The following SLC35E4 variants were observed in gnomAD, a reference collection of about 807,000 sequenced individuals.
The protein encoded by SLC35E4 is solute carrier family 35, member E4.
A neutral mutation model predicts 19.3 loss-of-function variants in SLC35E4; 15 were observed. The observed-to-expected ratio is 0.78, with a 90% CI of 0.52 to 1.20. The LOEUF is 1.20. Ranked by LOEUF, SLC35E4 falls within the 50% of genes most tolerant of loss-of-function variation. The pLI, the probability that SLC35E4 is intolerant of heterozygous loss-of-function variation, is 0.00. For synonymous variants in SLC35E4, 219 were observed against 219.9 expected, an observed-to-expected ratio of 1.00 and a Z score of 0.04; for missense variants, 406 against 472.3, an observed-to-expected ratio of 0.86 and a Z score of 1.30.
chr22:30,651,391 G>GTATA (rs2088209275), downstream of SLC35E4, among the ~76,000 whole-genome samples: 2 of 37,794 alleles, frequency 5.3e-5, no homozygotes, highest in Non-Finnish European at 8.5e-5. Flanking sequence ...GTGTGTGTGT[G>GTATA]TGTGTGTGTA....
chr22:30,649,281 A>T, downstream of SLC35E4: 2 of 715,946 alleles, frequency 2.8e-6, no homozygotes, highest in Non-Finnish European at 5.2e-6. Context: ...CTCTGCTTTT[A>T]TCTTGGGGTA....
Position 30,636,888 on chromosome 22 carries a change from C to A in SLC35E4, c.438C>A (p.Phe146Leu). 1 of 1,612,520 alleles carries A rather than the reference C, an allele frequency of 6.2e-7. No individual in the cohort carries two copies. Among genetic ancestry groups the A allele is most frequent in the Non-Finnish European group, 8.5e-7 (1 of 1,179,406 alleles). The change falls in exon 1 of 2, where the codon TTC becomes TTA. Residue 146 changes from phenylalanine (F) to leucine (L), a missense_variant. Coordinates refer to ENST00000343605, the MANE Select transcript of SLC35E4 (RefSeq NM_001001479.4). ...TGGTTACTACCACCACACCTCTGTT[C>A]ACCCTGGCCCTGTCGGCGCTGCTGC... Reference protein sequence around the residue: ...AQLVTTTTPLFTLALSALLLG... With the variant: ...AQLVTTTTPLLTLALSALLLG...
downstream of SLC35E4, among the ~76,000 whole-genome samples, chr22:30,648,983 C>T (rs961989298): frequency 6.6e-6 from 1 of 152,182 alleles, no homozygotes; most frequent in African/African-American, 2.4e-5. Flanking sequence ...CGCCAGCTGG[C>T]GTCAGCTTTG....
At chr22:30,661,657 A>G (rs1193175592) in intron 2 of SLC35E4, 1 of 152,196 alleles carries the variant, frequency 6.6e-6, no homozygotes, top group Non-Finnish European at 1.5e-5. Context: ...GTTTGGTGTC[A>G]AACAGAGCAG....
chr22:30,636,408 G>A lies in SLC35E4; in HGVS notation c.-43G>A, dbSNP rs182696498. ...GGAACTCTCTGGTGGCCCAGAGGTC[G>A]TCACTGGGGAGCCCGCCTCCTGCCC... On this transcript the variant is annotated 5_prime_UTR_variant, in exon 1 of 2. Coordinates refer to ENST00000343605, the MANE Select transcript of SLC35E4 (RefSeq NM_001001479.4). 14 of 1,443,830 alleles carry A rather than the reference G, an allele frequency of 9.7e-6. No individual in the cohort carries two copies. The East Asian group carries it at 3.3e-4, about 34-fold the overall frequency. 89.4% of individuals were successfully genotyped at this position (1,443,830 alleles called of 1,614,324 possible). A position where few individuals can be genotyped will look rare whatever the true frequency, so the allele number is the denominator to read the frequency against.
At chr22:30,656,388 A>G (rs5997727) in intron 2 of SLC35E4, among the ~76,000 whole-genome samples, 96,577 of 152,024 alleles carry the variant, frequency 0.64, 31,731 homozygotes, top group East Asian at 0.81. Context: ...CTCAACAGAG[A>G]TCATTCCGAG....
downstream of SLC35E4, among the ~76,000 whole-genome samples, chr22:30,649,482 C>CCTGGGAGGCGGAGGTTG (rs1555899196): frequency 3.8e-5 from 5 of 130,160 alleles, no homozygotes; most frequent in Non-Finnish European, 5.0e-5. Flanking sequence ...AAGGGCCAGC[C>CCTGGGAGGCGGAGGTTG]CACGGCGGGG....
intron 2 of SLC35E4, among the ~76,000 whole-genome samples, chr22:30,653,474 C>G (rs1226841750): frequency 6.6e-6 from 1 of 151,562 alleles, no homozygotes; most frequent in Non-Finnish European, 1.5e-5. Flanking sequence ...TGGGTTCAAG[C>G]GATTCTCCTG....
At chr22:30,659,003 A>G (rs913373746) in intron 2 of SLC35E4, among the ~76,000 whole-genome samples, 1 of 151,922 alleles carries the variant, frequency 6.6e-6, no homozygotes, top group Non-Finnish European at 1.5e-5. Context: ...GGGTCCCTGT[A>G]GTCCCAGCTA....
rs140102478 is a variant in SLC35E4, at chr22:30,639,620, C to T, written c.619+2551C>T. On this transcript the variant is annotated intron_variant, in intron 1 of 1. Transcript: ENST00000343605. Reference sequence around the variant, plus strand: ...TTTTAGAGGCCTACCCTCAGGGACGCATTCTCTTTCTCAAGGATGTCCCTT... The same window carrying T: ...TTTTAGAGGCCTACCCTCAGGGACGTATTCTCTTTCTCAAGGATGTCCCTT... Among the ~76,000 whole-genome samples, 896 of 152,278 alleles carry T rather than the reference C, an allele frequency of 5.9e-3. 6 individuals are homozygous for T. Among genetic ancestry groups the T allele is most frequent in the Non-Finnish European group, 0.011 (728 of 68,020 alleles).
In SLC35E4 at chr22:30,659,123, CA is replaced by C. The variant is rs35939188; in HGVS notation, c.*9-2914del. Among the ~76,000 whole-genome samples, 707 of 104,632 alleles carry C rather than the reference CA, an allele frequency of 6.8e-3. 2 individuals are homozygous for C. The highest frequency in any genetic ancestry group is 0.012 in the African/African-American group (283 of 24,606). The allele number at this position is 104,632 out of a possible 152,430, so 68.6% of individuals were successfully genotyped here. ...TAGGCGACACAGCGAGACTCCATCT[CA>C]AAAAAAAAAAAAAAAAAAAAAAGAA... On this transcript the variant is annotated intron_variant, in intron 2 of 2. Coordinates refer to the SLC35E4 transcript ENST00000406566.
intron 2 of SLC35E4, among the ~76,000 whole-genome samples, chr22:30,658,266 C>T (rs1003508955): frequency 5.3e-5 from 8 of 151,114 alleles, no homozygotes; most frequent in East Asian, 2.0e-4. Flanking sequence ...AGGCTGGGTG[C>T]GGTTGCTCAT....
At position 30,646,769 on chromosome 22, in the gene SLC35E4, T is replaced by A. The variant is rs2088138683; in HGVS notation, c.791T>A (p.Leu264Gln). ...GCCTGCATCCTGCTCAGCTGCCTCC[T>A]GTCTGTTCTCTATAACCTGGCCAGC... ...LWACILLSCLLSVLYNLASFS... is the reference protein window; with the variant it reads ...LWACILLSCLQSVLYNLASFS... Residue 264 changes from leucine to glutamine, a missense_variant, in exon 2 of 2, where the codon CTG (leucine) becomes CAG (glutamine). By Grantham distance (113) the Leu-to-Gln change is moderately radical. Transcript: ENST00000343605. 3.1e-6 allele frequency: 5 copies of A among 1,614,000 alleles called. No individual in the cohort carries two copies. In the African/African-American group the frequency reaches 6.7e-5, roughly 22 times the overall value.
intron 2 of SLC35E4, among the ~76,000 whole-genome samples, chr22:30,659,865 T>C (rs1356536818): frequency 6.6e-6 from 1 of 152,192 alleles, no homozygotes; most frequent in East Asian, 1.9e-4. Context: ...TGGCTGGACT[T>C]AGATGTAACA....
chr22:30,642,607 G>A (rs1010064089), intron 1 of SLC35E4, among the ~76,000 whole-genome samples: 4 of 151,890 alleles, frequency 2.6e-5, no homozygotes, highest in African/African-American at 4.8e-5. Flanking sequence ...TGGGCATGCT[G>A]GTGCATGCCT....
chr22:30,655,099 C>G (rs2088308017), intron 2 of SLC35E4, among the ~76,000 whole-genome samples: 1 of 152,060 alleles, frequency 6.6e-6, no homozygotes, highest in Non-Finnish European at 1.5e-5. Context: ...AAGAACAGAG[C>G]CACGGTGTGA....
At chr22:30,662,552 T>C (rs910403543) in exon 3 of SLC35E4, 2 of 152,082 alleles carry the variant, frequency 1.3e-5, no homozygotes, top group Admixed American at 1.3e-4. Context: ...TTTTATACAG[T>C]GGTATCGGGG....
chr22:30,664,844 G>A (rs1254009030), downstream of SLC35E4: 1 of 152,508 alleles, frequency 6.6e-6, no homozygotes, highest in African/African-American at 2.4e-5. Flanking sequence ...CAACCCCAGG[G>A]ACAAGCACAG....
At chr22:30,662,051 T>A (rs2088489568) in intron 2 of SLC35E4, 1 of 149,948 alleles carries the variant, frequency 6.7e-6, no homozygotes, top group African/African-American at 2.5e-5. Context: ...TTTTTTTTTT[T>A]ACACACAGGG....
Sources: allele counts gnomAD v4.1 joint callset (sites outside exome capture counted in the v4.1 genomes callset), GRCh38; gene constraint gnomAD v4.1.1; transcripts MANE v1.5; gene names NCBI Gene and HGNC (gene_info 2026-07-23, HGNC 2026-07-21).